Variants in LRRIQ1 observed in about 807,000 individuals in gnomAD.
LRRIQ1 encodes leucine-rich repeat- and IQ domain-containing protein 1.
A neutral mutation model predicts 211.9 loss-of-function variants in LRRIQ1; 210 were observed. The observed-to-expected ratio is 0.99, with a 90% CI of 0.89 to 1.11. LRRIQ1 has a LOEUF of 1.11. Among genes scored for constraint, LRRIQ1 ranks in the 50% most tolerant of loss-of-function variants. LRRIQ1 has a pLI of 0.00. For missense variants in LRRIQ1, 2,136 were observed against 1,939.5 expected (o/e 1.10, Z -1.90); for synonymous variants, 699 against 650.1 (o/e 1.08, Z -1.14).
At chr12:85,196,675 T>C (rs1892932772) in intron 24 of LRRIQ1, among the ~76,000 whole-genome samples, 1 of 152,086 alleles carries the variant, frequency 6.6e-6, no homozygotes, top group South Asian at 2.1e-4. Flanking sequence ...CAAAAATCAA[T>C]TCGAGATGGA....
At chr12:85,124,866 T>C (rs894248741) in intron 17 of LRRIQ1, 3 of 234,464 alleles carry the variant, frequency 1.3e-5, no homozygotes, top group African/African-American at 7.1e-5. Context: ...AGTAATCAAG[T>C]ATTTTCATTT....
chr12:85,121,443 T>C (rs1887977967), intron 15 of LRRIQ1, among the ~76,000 whole-genome samples: 1 of 152,208 alleles, frequency 6.6e-6, no homozygotes, highest in Non-Finnish European at 1.5e-5. Context: ...TTTCAATCTT[T>C]CATTTGTGTT....
In LRRIQ1 at chr12:85,056,483, A is replaced by G; in HGVS notation, c.1690A>G (p.Ser564Gly). Reference sequence around the variant, plus strand: ...AATATTAGGACATAACCAAGAAATCAGTGAGGTGAAAACCAATGAAGAGCA... The same window carrying G: ...AATATTAGGACATAACCAAGAAATCGGTGAGGTGAAAACCAATGAAGAGCA... Reference protein sequence around the residue: ...QIILGHNQEISEVKTNEEQKI... With the variant: ...QIILGHNQEIGEVKTNEEQKI... Residue 564 changes from serine to glycine, a missense_variant, in exon 8 of 27, where the codon AGT becomes GGT. Ser to Gly is a moderately conservative substitution (Grantham distance 56, BLOSUM62 0). Coordinates refer to ENST00000393217, the MANE Select transcript of LRRIQ1 (RefSeq NM_001079910.2). The G allele has an allele frequency of 6.2e-7, 1 of 1,611,512 alleles. No individual in the cohort carries two copies. Among genetic ancestry groups the G allele is most frequent in the Non-Finnish European group, 8.5e-7 (1 of 1,179,110 alleles).
At chr12:85,069,067 C>T (rs61930045) in intron 10 of LRRIQ1, among the ~76,000 whole-genome samples, 2 of 150,538 alleles carry the variant, frequency 1.3e-5, no homozygotes, top group Non-Finnish European at 3.0e-5. Flanking sequence ...ATTAGGTATA[C>T]CTCCTAATGC....
At chr12:85,197,696 G>T (rs1274761445) in intron 24 of LRRIQ1, among the ~76,000 whole-genome samples, 1 of 151,600 alleles carries the variant, frequency 6.6e-6, no homozygotes, top group Non-Finnish European at 1.5e-5. Context: ...TGGGAGTGGG[G>T]AGGGATAGCA....
At chr12:85,185,133 T>C (rs543767125) in intron 24 of LRRIQ1, among the ~76,000 whole-genome samples, 66 of 152,080 alleles carry the variant, frequency 4.3e-4, no homozygotes, top group Non-Finnish European at 8.0e-4. Context: ...TAGAATGTGA[T>C]ATGCCATATT....
chr12:85,167,726 C>T (rs1190914876), intron 24 of LRRIQ1, among the ~76,000 whole-genome samples: 2 of 152,152 alleles, frequency 1.3e-5, no homozygotes, highest in African/African-American at 4.8e-5. Context: ...CAGACACAAC[C>T]AGGAACAATA....
chr12:85,225,866 C>T (rs1298601146), intron 24 of LRRIQ1, among the ~76,000 whole-genome samples: 2 of 152,152 alleles, frequency 1.3e-5, no homozygotes, highest in Admixed American at 1.3e-4. Context: ...ATAAATGTTA[C>T]TTTCTCTTCC....
chr12:85,161,774 C>T (rs1890894022), intron 24 of LRRIQ1, among the ~76,000 whole-genome samples: 2 of 152,150 alleles, frequency 1.3e-5, no homozygotes. Context: ...GGCGTGATGG[C>T]TCACGCCTGT....
intron 8 of LRRIQ1, among the ~76,000 whole-genome samples, chr12:85,063,930 T>G (rs1177743744): frequency 3.3e-5 from 5 of 151,856 alleles, no homozygotes; most frequent in Admixed American, 3.3e-4. Context: ...CTCTATTCAT[T>G]TCTCTGTTGA....
chr12:85,251,465 G>A (rs546386335), intron 1 of LRRIQ1, among the ~76,000 whole-genome samples: 33 of 151,944 alleles, frequency 2.2e-4, no homozygotes, highest in Non-Finnish European at 4.0e-4. Flanking sequence ...TAAACATGGT[G>A]AGTGTGGTAT....
chr12:85,159,137 A>G (rs142852168), intron 23 of LRRIQ1, among the ~76,000 whole-genome samples: 39 of 152,116 alleles, frequency 2.6e-4, no homozygotes, highest in African/African-American at 8.9e-4. Flanking sequence ...CTTTAGCTAG[A>G]TAACCTTTCT....
chr12:85,040,724 G>A, intron 3 of LRRIQ1, 123 bp downstream of exon 3: 1 of 487,128 alleles, frequency 2.1e-6, no homozygotes. Context: ...TACATTTAGT[G>A]TATTTCTAAT....
intron 17 of LRRIQ1, among the ~76,000 whole-genome samples, chr12:85,126,982 A>C (rs1666282688): frequency 6.6e-6 from 1 of 152,176 alleles, no homozygotes; most frequent in Non-Finnish European, 1.5e-5. Context: ...GGAAATGGAG[A>C]TAGGTCAAGA....
At chr12:85,062,549 G>GT (rs1242608171) in intron 8 of LRRIQ1, among the ~76,000 whole-genome samples, 1 of 150,102 alleles carries the variant, frequency 6.7e-6, no homozygotes, top group Non-Finnish European at 1.5e-5. Flanking sequence ...ATGGCTATAT[G>GT]TTATTCCAGG....
intron 7 of LRRIQ1, among the ~76,000 whole-genome samples, chr12:85,054,759 TA>T (rs1186836641): frequency 2.6e-5 from 4 of 151,702 alleles, no homozygotes; most frequent in African/African-American, 9.7e-5. Flanking sequence ...CCTGTTTAAA[TA>T]TTTTTTCTAA....
chr12:85,101,306 T>G (rs1886325186), intron 13 of LRRIQ1, among the ~76,000 whole-genome samples: 1 of 151,868 alleles, frequency 6.6e-6, no homozygotes, highest in Non-Finnish European at 1.5e-5. Context: ...CATCCTGATT[T>G]CTGTTTTAAA....
chr12:85,236,751 GAT>G (rs748781162), intron 26 of LRRIQ1, among the ~76,000 whole-genome samples: 3 of 142,776 alleles, frequency 2.1e-5, no homozygotes, highest in Non-Finnish European at 3.0e-5. Context: ...TATATATTTG[GAT>G]ATATATATAT....
chr12:85,039,438 G>A (rs1243455488), intron 2 of LRRIQ1, among the ~76,000 whole-genome samples: 1 of 151,532 alleles, frequency 6.6e-6, no homozygotes, highest in African/African-American at 2.4e-5. Context: ...TCTCAATGCA[G>A]GACAGATGTC....
Sources: gnomAD v4.1 joint callset for allele counts (sites outside exome capture counted in the v4.1 genomes callset) on GRCh38, gnomAD v4.1.1 for gene constraint, MANE v1.5 for transcripts, NCBI Gene and HGNC (gene_info 2026-07-23, HGNC 2026-07-21) for gene names.